FBXL2: variants seen among roughly 807,000 people sequenced by gnomAD.
FBXL2 encodes F-box and leucine rich repeat protein 2.
In FBXL2, 38 loss-of-function variants were observed where a neutral mutation model predicts 69.2. The ratio of observed to expected loss-of-function variants is 0.55; its 90% CI spans 0.42 to 0.72. The LOEUF (loss-of-function observed/expected upper bound fraction) is 0.72, where lower values mean the gene tolerates loss of function less well. Ranked by LOEUF, FBXL2 falls within the 30% of genes least tolerant of loss-of-function variation. The pLI, the probability that FBXL2 is intolerant of heterozygous loss-of-function variation, is 0.00. For synonymous variants in FBXL2, 192 were observed against 201.3 expected, an observed-to-expected ratio of 0.95 and a Z score of 0.39; for missense variants, 354 against 520.3, an observed-to-expected ratio of 0.68 and a Z score of 3.11.
At chr3:33,299,133 C>T (rs960378580) in intron 2 of FBXL2, among the ~76,000 whole-genome samples, 2 of 151,946 alleles carry the variant, frequency 1.3e-5, no homozygotes, top group African/African-American at 4.8e-5. Flanking sequence ...CTTCCGCCTC[C>T]CAGGTTCAAG....
intron 12 of FBXL2, among the ~76,000 whole-genome samples, chr3:33,395,523 T>C (rs2043942317): frequency 6.6e-6 from 1 of 151,934 alleles, no homozygotes; most frequent in Non-Finnish European, 1.5e-5. Flanking sequence ...TCCAGCACTA[T>C]ACCGTACAAT....
At chr3:33,390,305 G>T, downstream of FBXL2, 1 of 1,610,226 alleles carries the variant, frequency 6.2e-7, no homozygotes, top group Non-Finnish European at 8.5e-7. Context: ...ATTTGGTACT[G>T]AATACAGTTC....
chr3:33,390,079 A>C, downstream of FBXL2: 1 of 451,080 alleles, frequency 2.2e-6, no homozygotes, highest in Non-Finnish European at 4.0e-6. Flanking sequence ...GCAGGCAGCT[A>C]TGCCTGCACC....
intron 5 of FBXL2, among the ~76,000 whole-genome samples, chr3:33,371,358 A>G (rs1313500652): frequency 6.8e-6 from 1 of 146,502 alleles, no homozygotes; most frequent in East Asian, 2.0e-4. Context: ...TTTAGTAGAG[A>G]CAGGGTTTCA....
intron 1 of FBXL2, 137 bp from the exon 2 acceptor site, chr3:33,297,527 G>A (rs2035849667): frequency 3.4e-6 from 2 of 591,058 alleles, no homozygotes; most frequent in Non-Finnish European, 6.0e-6. Context: ...AGAATATGGT[G>A]GCTGCATGAA....
chr3:33,303,039 T>C, intron 2 of FBXL2: 1 of 456,664 alleles, frequency 2.2e-6, no homozygotes, highest in South Asian at 1.5e-5. Flanking sequence ...ATGGGTCTCA[T>C]TGAGTAGGTC....
At chr3:33,341,299 G>C (rs1161276578) in intron 2 of FBXL2, among the ~76,000 whole-genome samples, 1 of 152,180 alleles carries the variant, frequency 6.6e-6, no homozygotes, top group Non-Finnish European at 1.5e-5. Context: ...AATCCAGACT[G>C]TGAGAAACTA....
At chr3:33,327,549 T>C (rs2038797608) in intron 2 of FBXL2, among the ~76,000 whole-genome samples, 1 of 152,124 alleles carries the variant, frequency 6.6e-6, no homozygotes, top group Admixed American at 6.5e-5. Context: ...CTACAGGTCA[T>C]GTGTCTAATC....
downstream of FBXL2, chr3:33,392,914 C>G (rs927332407): frequency 2.3e-5 from 8 of 355,362 alleles, no homozygotes; most frequent in African/African-American, 1.1e-4. Flanking sequence ...AAGTGCTCTT[C>G]TATTATTACT....
chr3:33,373,350 G>T lies in FBXL2; in HGVS notation c.450G>T (p.Gly150=). Residue 150 remains glycine (G), a synonymous_variant, in exon 7 of 15, where the codon GGG becomes GGT. Transcript: ENST00000484457. ...CTATTACAAACAGCTCCTTGAAGGG[G>T]ATCAGGTAAGAGTGCCCATTGTTTG... The part of the protein sequence containing the change: ...CVSITNSSLK[G]ISEGCRNLEY... 5.6e-6 allele frequency: 9 copies of T among 1,608,396 alleles called. No homozygotes were observed. The highest frequency in any genetic ancestry group is 7.7e-6 in the Non-Finnish European group (9 of 1,174,768).
the FBXL2 span, chr3:33,409,296 C>CT: frequency 6.2e-7 from 1 of 1,614,120 alleles, no homozygotes; most frequent in Non-Finnish European, 8.5e-7. Context: ...GAGCTGTTCT[C>CT]TTCTCCATCT....
downstream of FBXL2, chr3:33,390,366 C>G (rs745489203): frequency 2.5e-6 from 4 of 1,614,058 alleles, no homozygotes; most frequent in African/African-American, 1.3e-5. Flanking sequence ...TCACTACTTT[C>G]AGCTGCAGAA....
At chr3:33,307,434 C>T (rs1383439555) in intron 2 of FBXL2, among the ~76,000 whole-genome samples, 33 of 152,022 alleles carry the variant, frequency 2.2e-4, no homozygotes, top group Admixed American at 2.2e-3. Context: ...CAGCCAAATG[C>T]AGTATATGAT....
intron 5 of FBXL2, among the ~76,000 whole-genome samples, chr3:33,365,342 C>T (rs1426891882): frequency 2.7e-5 from 4 of 150,848 alleles, no homozygotes; most frequent in Non-Finnish European, 4.4e-5. Flanking sequence ...TGCAACGGCA[C>T]AATCTCAACT....
chr3:33,385,368 A>T, intron 14 of FBXL2, 133 bp from the exon 15 acceptor site: 1 of 832,674 alleles, frequency 1.2e-6, no homozygotes, highest in Non-Finnish European at 2.1e-6. Flanking sequence ...GAGTAGCTCT[A>T]ATCTATAGCA....
chr3:33,360,171 C>T (rs986795665), intron 4 of FBXL2, among the ~76,000 whole-genome samples: 1 of 152,142 alleles, frequency 6.6e-6, no homozygotes, highest in Non-Finnish European at 1.5e-5. Flanking sequence ...TTTAGTTACT[C>T]ACATAGTATG....
chr3:33,384,657 T>C (rs567732839), intron 14 of FBXL2, among the ~76,000 whole-genome samples: 2 of 152,308 alleles, frequency 1.3e-5, no homozygotes, highest in South Asian at 4.1e-4. Context: ...TTCAAAATGT[T>C]CTTGCTTAGA....
chr3:33,304,764 A>G (rs1195032888), intron 2 of FBXL2, among the ~76,000 whole-genome samples: 1 of 152,030 alleles, frequency 6.6e-6, no homozygotes, highest in Non-Finnish European at 1.5e-5. Flanking sequence ...TCATACAAAG[A>G]GTGGATAAGA....
intron 13 of FBXL2, chr3:33,383,094 C>T (rs879859511): frequency 7.2e-5 from 11 of 152,190 alleles, no homozygotes; most frequent in Non-Finnish European, 1.5e-4. Flanking sequence ...CTCAAAGCAC[C>T]TCAGCTTCAG....
Sources: gnomAD v4.1 joint callset for allele counts (sites outside exome capture counted in the v4.1 genomes callset) on GRCh38, gnomAD v4.1.1 for gene constraint, MANE v1.5 for transcripts, NCBI Gene and HGNC (gene_info 2026-07-23, HGNC 2026-07-21) for gene names.